The following EPHA6 variants were observed in gnomAD, a reference collection of about 807,000 sequenced individuals.
EPHA6 encodes ephrin type-A receptor 6.
In EPHA6, 50 loss-of-function variants were observed where a neutral mutation model predicts 112.0. The observed-to-expected ratio is 0.45, with a 90% CI of 0.36 to 0.56. EPHA6 has a LOEUF of 0.56. Ranked by LOEUF, EPHA6 falls within the 20% of genes least tolerant of loss-of-function variation. The pLI is 0.00. For synonymous variants in EPHA6, 529 were observed against 490.7 expected, an observed-to-expected ratio of 1.08 and a Z score of -1.03; for missense variants, 1,280 against 1,417.4, an observed-to-expected ratio of 0.90 and a Z score of 1.56.
intron 7 of EPHA6, among the ~76,000 whole-genome samples, chr3:97,463,457 A>T (rs182468354): frequency 2.4e-4 from 37 of 152,290 alleles, no homozygotes; most frequent in Admixed American, 2.0e-3. Flanking sequence ...GTCCATATAC[A>T]CAAGAGGGAA....
At chr3:96,967,901 G>A (rs1387698729) in intron 2 of EPHA6, among the ~76,000 whole-genome samples, 2 of 151,704 alleles carry the variant, frequency 1.3e-5, no homozygotes, top group African/African-American at 4.8e-5. Context: ...TAAGATCTGG[G>A]AGTCTTTATC....
At chr3:96,931,810 T>G (rs552623528) in intron 2 of EPHA6, among the ~76,000 whole-genome samples, 1 of 152,182 alleles carries the variant, frequency 6.6e-6, no homozygotes, top group South Asian at 2.1e-4. Context: ...ATACCGCTGC[T>G]TGGCTCCCTG....
At chr3:97,450,325 G>A (rs991060916) in intron 7 of EPHA6, among the ~76,000 whole-genome samples, 10 of 151,940 alleles carry the variant, frequency 6.6e-5, no homozygotes, top group Admixed American at 4.6e-4. Flanking sequence ...TCGAATTATT[G>A]TCTTTTTTAG....
At chr3:97,423,967 G>A (rs1264555735) in intron 6 of EPHA6, among the ~76,000 whole-genome samples, 7 of 152,150 alleles carry the variant, frequency 4.6e-5, no homozygotes, top group African/African-American at 1.2e-4. Flanking sequence ...GATTGAAACC[G>A]GCCCTCTTCT....
At chr3:97,298,370 A>C (rs1182472430) in intron 5 of EPHA6, among the ~76,000 whole-genome samples, 3 of 152,204 alleles carry the variant, frequency 2.0e-5, no homozygotes, top group Admixed American at 6.5e-5. Flanking sequence ...AAGCATATGC[A>C]TGTGTTAGAT....
chr3:97,300,494 A>T (rs2081049986), intron 5 of EPHA6, among the ~76,000 whole-genome samples: 1 of 152,170 alleles, frequency 6.6e-6, no homozygotes, highest in African/African-American at 2.4e-5. Flanking sequence ...TCCACAAAGC[A>T]TGACACATTT....
chr3:97,615,138 A>T (rs1183582794), intron 13 of EPHA6, among the ~76,000 whole-genome samples: 1 of 152,198 alleles, frequency 6.6e-6, no homozygotes, highest in East Asian at 1.9e-4. Flanking sequence ...TGACCCACCC[A>T]GGAGCAACAC....
chr3:97,077,640 G>A (rs2046575380), intron 3 of EPHA6, among the ~76,000 whole-genome samples: 2 of 151,414 alleles, frequency 1.3e-5, no homozygotes, highest in South Asian at 4.2e-4. Flanking sequence ...GAGAACATGC[G>A]CTGTCTGGTT....
chr3:97,602,236 A>G (rs1243421538), intron 12 of EPHA6, among the ~76,000 whole-genome samples: 2 of 152,066 alleles, frequency 1.3e-5, no homozygotes, highest in African/African-American at 4.8e-5. Flanking sequence ...AAGATTATTA[A>G]TATAAACTGA....
intron 2 of EPHA6, among the ~76,000 whole-genome samples, chr3:96,892,426 T>C (rs1230781896): frequency 2.6e-5 from 4 of 152,110 alleles, no homozygotes; most frequent in African/African-American, 4.8e-5. Flanking sequence ...TTTCGCCGTA[T>C]TGGCCAGGCT....
chr3:96,999,493 A>G (rs1047235093), intron 3 of EPHA6, among the ~76,000 whole-genome samples: 1 of 151,914 alleles, frequency 6.6e-6, no homozygotes, highest in African/African-American at 2.4e-5. Flanking sequence ...TTGAAGAGTC[A>G]CATATCATCT....
chr3:97,470,262 T>C (rs2091188563), intron 7 of EPHA6, among the ~76,000 whole-genome samples: 1 of 151,774 alleles, frequency 6.6e-6, no homozygotes, highest in African/African-American at 2.4e-5. Flanking sequence ...ATTTACTGGG[T>C]ATCATCAATT....
intron 3 of EPHA6, among the ~76,000 whole-genome samples, chr3:97,023,415 A>T (rs933970981): frequency 2.8e-4 from 42 of 152,136 alleles, no homozygotes; most frequent in African/African-American, 9.4e-4. Flanking sequence ...TCAAATTTGA[A>T]ATTATTTCTC....
At chr3:97,282,657 T>C (rs1005971072) in intron 5 of EPHA6, among the ~76,000 whole-genome samples, 3 of 152,026 alleles carry the variant, frequency 2.0e-5, no homozygotes, top group African/African-American at 7.2e-5. Context: ...TGTGTAGCCA[T>C]AAAAAGGAAC....
chr3:96,874,321 C>A (rs548430707), intron 2 of EPHA6, among the ~76,000 whole-genome samples: 1 of 152,084 alleles, frequency 6.6e-6, no homozygotes, highest in East Asian at 1.9e-4. Context: ...ATATCTGGTG[C>A]ATGTTTTAGA....
intron 3 of EPHA6, among the ~76,000 whole-genome samples, chr3:97,212,664 T>G (rs1486100026): frequency 6.6e-6 from 1 of 152,132 alleles, no homozygotes; most frequent in Non-Finnish European, 1.5e-5. Flanking sequence ...ATCCCTTGAG[T>G]GTATGTGCTT....
At chr3:97,545,611 G>T (rs570400172) in intron 11 of EPHA6, among the ~76,000 whole-genome samples, 1 of 152,156 alleles carries the variant, frequency 6.6e-6, no homozygotes, top group Non-Finnish European at 1.5e-5. Context: ...TTCAATTCCT[G>T]GGTATCCTTG....
intron 14 of EPHA6, among the ~76,000 whole-genome samples, chr3:97,652,233 A>T (rs1035598326): frequency 2.0e-5 from 3 of 152,098 alleles, no homozygotes; most frequent in Admixed American, 6.6e-5. Context: ...AAAACATGAT[A>T]AATACCAGAC....
intron 3 of EPHA6, among the ~76,000 whole-genome samples, chr3:96,996,005 T>C (rs185553771): frequency 1.3e-5 from 2 of 152,290 alleles, no homozygotes; most frequent in African/African-American, 2.4e-5. Context: ...AGTAGAACTT[T>C]CAAAATTGGA....
Sources: allele counts gnomAD v4.1 joint callset (sites outside exome capture counted in the v4.1 genomes callset), GRCh38; gene constraint gnomAD v4.1.1; transcripts MANE v1.5; gene names NCBI Gene and HGNC (gene_info 2026-07-23, HGNC 2026-07-21).